The following LHFPL6 variants were observed in gnomAD, a reference collection of about 807,000 sequenced individuals.
The protein encoded by LHFPL6 is LHFPL tetraspan subfamily member 6 protein.
A neutral mutation model predicts 20.6 loss-of-function variants in LHFPL6; 9 were observed. That is an observed-to-expected ratio of 0.44 (90% CI 0.26 to 0.76). The LOEUF (loss-of-function observed/expected upper bound fraction) is 0.76, where lower values mean the gene tolerates loss of function less well. Ranked by LOEUF, LHFPL6 falls within the 30% of genes least tolerant of loss-of-function variation. LHFPL6 has a pLI of 0.20. For missense variants in LHFPL6, 218 were observed against 253.5 expected, an observed-to-expected ratio of 0.86 and a Z score of 0.95; for synonymous variants, 105 against 98.7, an observed-to-expected ratio of 1.06 and a Z score of -0.38.
At chr13:39,426,872 T>C (rs1471951672) in intron 2 of LHFPL6, among the ~76,000 whole-genome samples, 5 of 152,196 alleles carry the variant, frequency 3.3e-5, no homozygotes, top group Non-Finnish European at 5.9e-5. Flanking sequence ...TGTTTGCTTA[T>C]ATATTTTTAT....
chr13:39,487,463 A>G (rs1192926731), intron 2 of LHFPL6, among the ~76,000 whole-genome samples: 1 of 152,198 alleles, frequency 6.6e-6, no homozygotes, highest in Non-Finnish European at 1.5e-5. Flanking sequence ...AGTGTGGCCA[A>G]CTGTGAAATA....
chr13:39,583,923 G>C (rs1017141297), intron 2 of LHFPL6, among the ~76,000 whole-genome samples: 1 of 151,898 alleles, frequency 6.6e-6, no homozygotes, highest in Admixed American at 6.6e-5. Context: ...CAAGCGCCTC[G>C]TCTTGTCCCT....
chr13:39,443,943 G>A (rs546299481), intron 2 of LHFPL6, among the ~76,000 whole-genome samples: 66 of 151,734 alleles, frequency 4.3e-4, no homozygotes, highest in African/African-American at 1.1e-3. Flanking sequence ...AAGCTATGAT[G>A]TTCAGTAGGT....
intron 2 of LHFPL6, among the ~76,000 whole-genome samples, chr13:39,434,472 T>C (rs1269587806): frequency 1.3e-5 from 2 of 152,196 alleles, no homozygotes; most frequent in African/African-American, 4.8e-5. Flanking sequence ...ATATTATATA[T>C]GTTATAGATG....
intron 2 of LHFPL6, among the ~76,000 whole-genome samples, chr13:39,556,691 T>C (rs1251126273): frequency 2.0e-5 from 3 of 152,146 alleles, no homozygotes; most frequent in African/African-American, 7.2e-5. Context: ...TGACTGGACA[T>C]GGTGGCTCAT....
chr13:39,559,004 G>C (rs1871391280), intron 2 of LHFPL6, among the ~76,000 whole-genome samples: 1 of 152,222 alleles, frequency 6.6e-6, no homozygotes, highest in South Asian at 2.1e-4. Flanking sequence ...CAGAGTAGGA[G>C]GGGCTAGAGC....
At chr13:39,461,021 T>C (rs12583486) in intron 2 of LHFPL6, among the ~76,000 whole-genome samples, 14,253 of 152,166 alleles carry the variant, frequency 0.094, 1,263 homozygotes, top group East Asian at 0.51. Context: ...AAGTGTCTAT[T>C]GTTCCCCTCT....
intron 2 of LHFPL6, among the ~76,000 whole-genome samples, chr13:39,480,938 A>T (rs116364701): frequency 0.013 from 2,025 of 152,350 alleles, 41 homozygotes; most frequent in African/African-American, 0.047. Flanking sequence ...TGACATATTC[A>T]TAAGAACAAA....
At chr13:39,501,987 G>T (rs180878762) in intron 2 of LHFPL6, among the ~76,000 whole-genome samples, 13 of 152,182 alleles carry the variant, frequency 8.5e-5, no homozygotes, top group Non-Finnish European at 1.8e-4. Flanking sequence ...CAGGAGGTCT[G>T]CAGTACAACT....
At chr13:39,433,918 C>T (rs183331437) in intron 2 of LHFPL6, among the ~76,000 whole-genome samples, 3 of 152,304 alleles carry the variant, frequency 2.0e-5, no homozygotes, top group Admixed American at 6.5e-5. Flanking sequence ...TTCAACCCAT[C>T]GATTTCCTGC....
At chr13:39,398,632 C>A (rs563084478) in intron 2 of LHFPL6, among the ~76,000 whole-genome samples, 1 of 152,284 alleles carries the variant, frequency 6.6e-6, no homozygotes, top group African/African-American at 2.4e-5. Flanking sequence ...CCAAGTGCCA[C>A]CAGCCTCTAA....
intron 2 of LHFPL6, among the ~76,000 whole-genome samples, chr13:39,578,026 C>T (rs1872169813): frequency 6.6e-6 from 1 of 152,144 alleles, no homozygotes; most frequent in Admixed American, 6.5e-5. Context: ...ACAAGCATGT[C>T]CTGGCAGCTT....
intron 2 of LHFPL6, among the ~76,000 whole-genome samples, chr13:39,430,834 C>A (rs892458069): frequency 2.4e-4 from 36 of 152,338 alleles, no homozygotes; most frequent in African/African-American, 7.9e-4. Flanking sequence ...GACCAATCAG[C>A]AGGACATGCG....
chr13:39,379,497 T>C lies in LHFPL6; in HGVS notation c.386-971A>G, dbSNP rs527338817. On this transcript the variant is annotated intron_variant, in intron 2 of 3. Coordinates refer to ENST00000379589, the MANE Select transcript of LHFPL6 (RefSeq NM_005780.3). ...GAGCCCCCTAAATAGGAAAATCCAT[T>C]AATATGGTAACGTGGAAGAGGATGG... 3.9e-4 allele frequency among the ~76,000 whole-genome samples: 59 copies of C among 152,234 alleles called. 1 individual carries two copies. In the South Asian group the frequency reaches 3.9e-3, roughly 10 times the overall value.
At chr13:39,472,111 A>AT (rs1872962607) in intron 2 of LHFPL6, among the ~76,000 whole-genome samples, 1 of 152,010 alleles carries the variant, frequency 6.6e-6, no homozygotes, top group Non-Finnish European at 1.5e-5. Context: ...CGCTCCATTC[A>AT]TTTTTTTCCA....
chr13:39,586,698 C>T (rs1872458940), intron 2 of LHFPL6, among the ~76,000 whole-genome samples: 1 of 152,206 alleles, frequency 6.6e-6, no homozygotes, highest in South Asian at 2.1e-4. Flanking sequence ...CACAGCTTCA[C>T]TGAGATTCTC....
At chr13:39,401,966 G>A (rs1318706544) in intron 2 of LHFPL6, among the ~76,000 whole-genome samples, 1 of 152,108 alleles carries the variant, frequency 6.6e-6, no homozygotes, top group African/African-American at 2.4e-5. Context: ...TTAGACAGAT[G>A]TATACCGTCC....
At chr13:39,401,368 A>C (rs1171498479) in intron 2 of LHFPL6, among the ~76,000 whole-genome samples, 2 of 152,108 alleles carry the variant, frequency 1.3e-5, no homozygotes. Context: ...TCCACTTAAG[A>C]GGGGAAATTC....
intron 2 of LHFPL6, among the ~76,000 whole-genome samples, chr13:39,391,719 T>C (rs1172379729): frequency 7.4e-6 from 1 of 135,602 alleles, no homozygotes; most frequent in Admixed American, 7.3e-5. Context: ...AGATTGCTGA[T>C]ATGCACCATC....
Sources: gnomAD v4.1 joint callset for allele counts (sites outside exome capture counted in the v4.1 genomes callset) on GRCh38, gnomAD v4.1.1 for gene constraint, MANE v1.5 for transcripts, NCBI Gene and HGNC (gene_info 2026-07-23, HGNC 2026-07-21) for gene names.